CLASP1: variants seen among roughly 807,000 people sequenced by gnomAD.
CLASP1 encodes the protein CLIP-associating protein 1.
Under a neutral mutation model 192.3 loss-of-function variants are expected in CLASP1, and 38 were observed. That is an observed-to-expected ratio of 0.20 (90% confidence interval 0.15 to 0.26). The LOEUF is 0.26. Ranked by LOEUF, CLASP1 falls within the 10% of genes least tolerant of loss-of-function variation. CLASP1 has a pLI of 1.00. For synonymous variants in CLASP1, 691 were observed against 712.8 expected, an observed-to-expected ratio of 0.97 and a Z score of 0.49; for missense variants, 1,433 against 1,932.5, an observed-to-expected ratio of 0.74 and a Z score of 4.85.
At chr2:121,436,479 C>T (rs535154957) in intron 19 of CLASP1, among the ~76,000 whole-genome samples, 13 of 149,720 alleles carry the variant, frequency 8.7e-5, no homozygotes, top group East Asian at 2.0e-4. Context: ...GGTGTGATCT[C>T]GGTTCACTGC....
intron 39 of CLASP1, among the ~76,000 whole-genome samples, chr2:121,344,449 G>A (rs112205740): frequency 0.25 from 37,974 of 151,424 alleles, 7,577 homozygotes; most frequent in African/African-American, 0.55. Flanking sequence ...CTCCTGCCTC[G>A]GCCTCCTGAG....
chr2:121,375,835 G>A (rs771657257), intron 34 of CLASP1, among the ~76,000 whole-genome samples: 7 of 152,160 alleles, frequency 4.6e-5, no homozygotes, highest in Non-Finnish European at 8.8e-5. Flanking sequence ...CCATGGTGGT[G>A]TCTGGTTCAG....
At chr2:121,646,093 A>C (rs1275486066) in intron 1 of CLASP1, among the ~76,000 whole-genome samples, 1 of 152,214 alleles carries the variant, frequency 6.6e-6, no homozygotes, top group Non-Finnish European at 1.5e-5. Flanking sequence ...TTTTGTTTTT[A>C]AGACTAACAG....
intron 8 of CLASP1, among the ~76,000 whole-genome samples, chr2:121,480,913 C>G (rs1158420265): frequency 6.6e-6 from 1 of 152,218 alleles, no homozygotes; most frequent in Admixed American, 6.5e-5. Flanking sequence ...AAGAGAGAGG[C>G]AAAGCAAAAG....
chr2:121,363,227 T>C, exon 37 of CLASP1: 1 of 1,613,966 alleles, frequency 6.2e-7, no homozygotes, highest in Non-Finnish European at 8.5e-7. Flanking sequence ...CAGCTCGGCG[T>C]AGTTTTTAAA....
chr2:121,448,659 T>A (rs1007805010), intron 17 of CLASP1, among the ~76,000 whole-genome samples: 5 of 152,196 alleles, frequency 3.3e-5, no homozygotes, highest in African/African-American at 1.2e-4. Context: ...CTGAGAAGAC[T>A]CTGAAGCACT....
At chr2:121,523,046 G>A (rs2104593492) in intron 6 of CLASP1, among the ~76,000 whole-genome samples, 1 of 152,306 alleles carries the variant, frequency 6.6e-6, no homozygotes, top group South Asian at 2.1e-4. Flanking sequence ...ATTGAGGGGT[G>A]AGGCACTTCC....
chr2:121,574,737 G>C (rs778627909), intron 2 of CLASP1, among the ~76,000 whole-genome samples: 3 of 151,530 alleles, frequency 2.0e-5, no homozygotes, highest in Non-Finnish European at 2.9e-5. Flanking sequence ...AGGAGTTCAA[G>C]ACCAGCCTGG....
At chr2:121,443,892 C>T (rs139254291) in intron 19 of CLASP1, among the ~76,000 whole-genome samples, 23 of 152,178 alleles carry the variant, frequency 1.5e-4, no homozygotes, top group African/African-American at 4.8e-4. Flanking sequence ...AAGTAACATA[C>T]GGATTAAAAG....
intron 2 of CLASP1, among the ~76,000 whole-genome samples, chr2:121,596,616 C>T (rs1409659184): frequency 6.6e-6 from 1 of 152,162 alleles, no homozygotes; most frequent in Non-Finnish European, 1.5e-5. Flanking sequence ...GGAGAGACTA[C>T]ATCTTTTACA....
Position 121,542,267 on chromosome 2 carries a change from G to T in CLASP1, c.196-11942C>A, listed in dbSNP as rs112821765. Among the ~76,000 whole-genome samples, 15 of 152,304 alleles carry T rather than the reference G, an allele frequency of 9.8e-5. 1 individual carries two copies. The highest frequency in any genetic ancestry group is 3.4e-4 in the African/African-American group (14 of 41,562). On this transcript the variant is annotated intron_variant, in intron 2 of 39. Transcript: ENST00000263710. ...CTCTCATCCTCTTAGTACAAATGCT[G>T]AAAACATTTGCTGAGTCAAAAAGAA...
At chr2:121,530,770 C>T (rs2104761861) in intron 2 of CLASP1, 3 of 556,082 alleles carry the variant, frequency 5.4e-6, no homozygotes, top group South Asian at 4.6e-5. Flanking sequence ...GCTGTGGAGG[C>T]TGGAGGTAAG....
chr2:121,648,906 C>T (rs1388400858), intron 1 of CLASP1, among the ~76,000 whole-genome samples: 1 of 152,206 alleles, frequency 6.6e-6, no homozygotes, highest in South Asian at 2.1e-4. Context: ...CGCCCGCCTC[C>T]CGGCACCCCT....
Position 121,501,065 on chromosome 2 carries a change from G to GTA in CLASP1, c.712+2100_712+2101dup, listed in dbSNP as rs1214205154. Among the ~76,000 whole-genome samples, 6 of 152,240 alleles carry GTA rather than the reference G, an allele frequency of 3.9e-5. No homozygotes were observed. In the East Asian group the frequency reaches 1.2e-3, roughly 29 times the overall value. ...TTGTCACATCACTGGATCCCATAGGGTATATGTACACACTCTTTTAGGCAA... is the reference window on the plus strand; with the variant it reads ...TTGTCACATCACTGGATCCCATAGGGTATATATGTACACACTCTTTTAGGCAA... On this transcript the variant is annotated intron_variant, in intron 8 of 39. Transcript: ENST00000263710.
At chr2:121,611,191 C>G (rs2065387598) in intron 1 of CLASP1, among the ~76,000 whole-genome samples, 1 of 98,734 alleles carries the variant, frequency 1.0e-5, no homozygotes, top group Non-Finnish European at 2.0e-5. Context: ...GGAAGAGGAA[C>G]TGGAGGAGGA....
intron 22 of CLASP1, among the ~76,000 whole-genome samples, chr2:121,423,424 A>G (rs2079845263): frequency 6.6e-6 from 1 of 152,216 alleles, no homozygotes; most frequent in Non-Finnish European, 1.5e-5. Flanking sequence ...GAATTATGTT[A>G]GATAAATGAA....
chr2:121,534,020 A>C (rs1040574782), intron 2 of CLASP1, among the ~76,000 whole-genome samples: 6 of 152,264 alleles, frequency 3.9e-5, no homozygotes, highest in African/African-American at 1.4e-4. Flanking sequence ...CAACTAAAAA[A>C]TGCTGGACAT....
intron 23 of CLASP1, among the ~76,000 whole-genome samples, chr2:121,417,971 A>T (rs2078888005): frequency 1.3e-5 from 2 of 152,240 alleles, no homozygotes; most frequent in Admixed American, 1.3e-4. Flanking sequence ...TCAAGAGGAA[A>T]ATGGACATCT....
chr2:121,395,346 C>G (rs1414534832), intron 30 of CLASP1, among the ~76,000 whole-genome samples: 1 of 152,186 alleles, frequency 6.6e-6, no homozygotes, highest in Non-Finnish European at 1.5e-5. Flanking sequence ...CAAAACTAGT[C>G]TTAAAAATGA....
Sources: gnomAD v4.1 joint callset for allele counts (sites outside exome capture counted in the v4.1 genomes callset) on GRCh38, gnomAD v4.1.1 for gene constraint, MANE v1.5 for transcripts, NCBI Gene and HGNC (gene_info 2026-07-23, HGNC 2026-07-21) for gene names.